The following ASTN1 variants were observed in gnomAD, a reference collection of about 807,000 sequenced individuals.
The protein encoded by ASTN1 is astrotactin-1.
In ASTN1, 41 loss-of-function variants were observed where a neutral mutation model predicts 140.7. The observed-to-expected ratio is 0.29, with a 90% CI of 0.23 to 0.38. The LOEUF is 0.38. ASTN1 is among the 10% of genes least tolerant of loss of function. The pLI is 1.00. For missense variants in ASTN1, 1,479 were observed against 1,678.8 expected, an observed-to-expected ratio of 0.88 and a Z score of 2.08; for synonymous variants, 640 against 652.2, an observed-to-expected ratio of 0.98 and a Z score of 0.29.
chr1:177,002,368 TACACACAAACACACACACACACAC>T (rs1674769956), intron 8 of ASTN1, among the ~76,000 whole-genome samples: 1 of 94,168 alleles, frequency 1.1e-5, no homozygotes, highest in Admixed American at 1.2e-4. Context: ...AAATGTGCCT[TACACACAAACACACACACACACAC>T]ACACACACAC....
At position 177,078,171 on chromosome 1, in the gene ASTN1, TG is replaced by T. The variant is rs541255020; in HGVS notation, c.284-16907del. On this transcript the variant is annotated intron_variant, in intron 1 of 22. Transcript: ENST00000361833. Reference sequence around the variant, plus strand: ...GGAGAGGAAGATGTATGATAGGAGATGGGCACATTACTGCAATGCAGCCCAG... The same window carrying T: ...GGAGAGGAAGATGTATGATAGGAGATGGCACATTACTGCAATGCAGCCCAG... Among the ~76,000 whole-genome samples, 186 of 152,124 alleles carry T rather than the reference TG, an allele frequency of 1.2e-3. 1 individual carries two copies. Among genetic ancestry groups the T allele is most frequent in the African/African-American group, 4.2e-3 (176 of 41,496 alleles).
At chr1:177,132,358 A>C (rs1286434427) in intron 1 of ASTN1, among the ~76,000 whole-genome samples, 1 of 152,204 alleles carries the variant, frequency 6.6e-6, no homozygotes, top group Non-Finnish European at 1.5e-5. Flanking sequence ...AGTAGAGATG[A>C]GTAGGTACCA....
At chr1:177,142,392 C>T (rs141386473) in intron 1 of ASTN1, among the ~76,000 whole-genome samples, 1,829 of 152,024 alleles carry the variant, frequency 0.012, 20 homozygotes, top group Middle Eastern at 0.024. Context: ...TAGAGGATTA[C>T]GTTAACCACA....
intron 1 of ASTN1, among the ~76,000 whole-genome samples, chr1:177,155,566 C>G (rs1338115717): frequency 6.6e-6 from 1 of 152,098 alleles, no homozygotes; most frequent in Non-Finnish European, 1.5e-5. Flanking sequence ...AAAGTTGTTC[C>G]CCATGGTGGT....
At chr1:177,060,888 T>C (rs1678048249) in intron 2 of ASTN1, among the ~76,000 whole-genome samples, 190 bp downstream of exon 2, 1 of 152,214 alleles carries the variant, frequency 6.6e-6, no homozygotes, top group Non-Finnish European at 1.5e-5. Flanking sequence ...ATGGTACTGT[T>C]AGAAATAGTT....
chr1:177,077,752 T>G (rs1012292814), intron 1 of ASTN1, among the ~76,000 whole-genome samples: 2 of 152,288 alleles, frequency 1.3e-5, no homozygotes, highest in Non-Finnish European at 2.9e-5. Flanking sequence ...AACTGCCCTC[T>G]CTGGGGTAAG....
chr1:177,164,520 G>A lies in ASTN1; in HGVS notation c.157C>T (p.Leu53=). ...GCCGAGGGGCTGTGCATGATGCTCA[G>A]GTCGTTCTCGCGCAGGAAGGGCAGT... The part of the protein sequence containing the change: ...SALPFLREND[L]SIMHSPSASE... The change falls in exon 1 of 23, where the codon CTG becomes TTG. Residue 53 remains leucine, a synonymous_variant. Transcript: ENST00000361833. 1 of 1,613,984 alleles carries A rather than the reference G, an allele frequency of 6.2e-7. No homozygotes were observed.
At chr1:176,899,557 T>G (rs181315621) in intron 16 of ASTN1, among the ~76,000 whole-genome samples, 1 of 152,272 alleles carries the variant, frequency 6.6e-6, no homozygotes, top group Admixed American at 6.5e-5. Flanking sequence ...AGAAATCAAA[T>G]GCAAGCTAAT....
intron 2 of ASTN1, among the ~76,000 whole-genome samples, chr1:177,057,630 T>A (rs1183078322): frequency 6.6e-6 from 1 of 152,374 alleles, no homozygotes; most frequent in Middle Eastern, 3.4e-3. Flanking sequence ...GATGTATTCA[T>A]GTTTCGATAA....
intron 1 of ASTN1, among the ~76,000 whole-genome samples, chr1:177,068,067 G>C (rs1435010298): frequency 6.6e-6 from 1 of 152,182 alleles, no homozygotes; most frequent in African/African-American, 2.4e-5. Flanking sequence ...TGGTTTGCCT[G>C]AAGTTTGTGC....
intron 1 of ASTN1, among the ~76,000 whole-genome samples, chr1:177,131,054 T>C (rs1021449254): frequency 1.3e-5 from 2 of 152,222 alleles, no homozygotes; most frequent in Admixed American, 6.5e-5. Flanking sequence ...GAAGCTGCTC[T>C]TGTCTATCCT....
chr1:177,034,099 T>C lies in ASTN1; in HGVS notation c.472-1250A>G, dbSNP rs548116219. On this transcript the variant is annotated intron_variant, in intron 2 of 22. Coordinates refer to ENST00000361833, the MANE Select transcript of ASTN1 (RefSeq NM_004319.3). ...CTAATTCCCAGAGGGCCCACCCACA[T>C]AAAGCTAGGTCAAGAGTATGCCTCC... 6.6e-5 allele frequency among the ~76,000 whole-genome samples: 10 copies of C among 152,242 alleles called. No individual in the cohort carries two copies. The South Asian group carries it at 2.1e-3, about 32-fold the overall frequency.
chr1:177,014,514 G>C (rs1168059850), intron 8 of ASTN1, among the ~76,000 whole-genome samples: 2 of 152,172 alleles, frequency 1.3e-5, no homozygotes, highest in Admixed American at 6.5e-5. Context: ...CATGGCTGGT[G>C]GTGGTGTGAA....
rs117308793 is a variant in ASTN1 at position 177,000,802 on chromosome 1, G to T, written c.1523+13989C>A. Among the ~76,000 whole-genome samples, 147 of 152,326 alleles carry T rather than the reference G, an allele frequency of 9.7e-4. 3 individuals carry two copies. The East Asian group carries it at 0.026, about 27-fold the overall frequency. ...GGAATGAGTTGCCTCTTCAAATAAT[G>T]TAGCCCACATTACCAAGAGTGTTCA... On this transcript the variant is annotated intron_variant, in intron 8 of 22. Transcript: ENST00000361833.
chr1:176,871,464 A>G (rs1668341494), intron 21 of ASTN1, among the ~76,000 whole-genome samples: 1 of 152,214 alleles, frequency 6.6e-6, no homozygotes, highest in African/African-American at 2.4e-5. Context: ...GCGGAGGAGC[A>G]GTGATGGCTG....
At chr1:176,979,090 A>T (rs1015544409) in intron 8 of ASTN1, among the ~76,000 whole-genome samples, 1 of 152,194 alleles carries the variant, frequency 6.6e-6, no homozygotes, top group East Asian at 1.9e-4. Context: ...GAAGGGAAAC[A>T]GTCCTGGAGC....
intron 1 of ASTN1, among the ~76,000 whole-genome samples, chr1:177,116,314 C>T (rs1034600563): frequency 6.6e-6 from 1 of 152,146 alleles, no homozygotes; most frequent in Non-Finnish European, 1.5e-5. Context: ...GTATTTTACA[C>T]TATTATATTA....
At chr1:176,917,628 C>T (rs565956976) in intron 16 of ASTN1, among the ~76,000 whole-genome samples, 1 of 152,274 alleles carries the variant, frequency 6.6e-6, no homozygotes, top group African/African-American at 2.4e-5. Context: ...GTTCCAGTTT[C>T]AGTTCTGCCC....
At chr1:177,163,990 A>C (rs1376437551) in intron 1 of ASTN1, among the ~76,000 whole-genome samples, 1 of 152,084 alleles carries the variant, frequency 6.6e-6, no homozygotes, top group Non-Finnish European at 1.5e-5. Context: ...GGGTATCCAG[A>C]GTGAGTGAAG....
Sources: gnomAD v4.1 joint callset for allele counts (sites outside exome capture counted in the v4.1 genomes callset) on GRCh38, gnomAD v4.1.1 for gene constraint, MANE v1.5 for transcripts, NCBI Gene and HGNC (gene_info 2026-07-23, HGNC 2026-07-21) for gene names.